Variants in SLC5A1 observed in about 807,000 individuals in gnomAD.
SLC5A1 encodes sodium/glucose cotransporter 1.
Under a neutral mutation model 73.5 loss-of-function variants are expected in SLC5A1, and 42 were observed. The observed-to-expected ratio is 0.57, with a 90% CI of 0.45 to 0.74. The LOEUF (loss-of-function observed/expected upper bound fraction) is 0.74, where lower values mean the gene tolerates loss of function less well. SLC5A1 is among the 30% of genes least tolerant of loss of function. The pLI is 0.00. For missense variants in SLC5A1, 634 were observed against 855.4 expected (o/e 0.74, Z 3.23); for synonymous variants, 300 against 317.4 (o/e 0.95, Z 0.58).
At chr22:32,052,998 T>C (rs190022258) in intron 2 of SLC5A1, among the ~76,000 whole-genome samples, 1 of 152,200 alleles carries the variant, frequency 6.6e-6, no homozygotes, top group Admixed American at 6.5e-5. Flanking sequence ...TCTGTTTTTA[T>C]GCATAGAGAA....
rs1396640058 is a variant in SLC5A1 at position 32,084,512 on chromosome 22, T to C, written c.738T>C (p.Asp246=). Residue 246 remains aspartate (D), a synonymous_variant, in exon 8 of 15, where the codon GAT becomes GAC. Transcript: ENST00000266088. ...AAGCCATTCCAACCATAGTGTCTGA[T>C]GGCAACACCACCTTTCAGGAAAAAT... is the stretch of plus-strand genomic sequence containing the variant. ...YMKAIPTIVS[D]GNTTFQEKCY... 1.2e-6 allele frequency: 2 copies of C among 1,614,144 alleles called. No homozygotes were observed. The highest frequency in any genetic ancestry group is 8.5e-7 in the Non-Finnish European group (1 of 1,180,052).
At chr22:32,086,147 A>G in intron 9 of SLC5A1, 73 bp from the exon 10 acceptor site, 1 of 1,001,418 alleles carries the variant, frequency 1.0e-6, no homozygotes, top group South Asian at 1.3e-5. Context: ...TCTCAAAAAA[A>G]AAAAAAGAAG....
chr22:32,083,026 G>A, intron 6 of SLC5A1, 48 bp from the exon 7 acceptor site: 1 of 1,542,786 alleles, frequency 6.5e-7, no homozygotes, highest in East Asian at 2.2e-5. Context: ...CAAGTAGACA[G>A]GTCACCCTCC....
intron 11 of SLC5A1, among the ~76,000 whole-genome samples, chr22:32,093,831 ATTTC>A (rs937221845): frequency 3.3e-5 from 5 of 152,022 alleles, no homozygotes; most frequent in African/African-American, 1.2e-4. Flanking sequence ...GATGCCATTC[ATTTC>A]TTTCTTTTGT....
intron 2 of SLC5A1, among the ~76,000 whole-genome samples, chr22:32,059,890 A>C (rs1176289254): frequency 1.3e-5 from 2 of 151,926 alleles, no homozygotes; most frequent in African/African-American, 4.8e-5. Context: ...GATTCTACCA[A>C]GCCTTCCAGT....
At chr22:32,088,792 G>C (rs1393455976) in intron 10 of SLC5A1, among the ~76,000 whole-genome samples, 2 of 152,042 alleles carry the variant, frequency 1.3e-5, no homozygotes, top group African/African-American at 4.8e-5. Context: ...GTATTCTCCT[G>C]TTTGTCTTTT....
chr22:32,072,815 A>G (rs1219906423), intron 5 of SLC5A1, among the ~76,000 whole-genome samples: 1 of 152,162 alleles, frequency 6.6e-6, no homozygotes, highest in Non-Finnish European at 1.5e-5. Flanking sequence ...TACTACAGTT[A>G]TTTTTCCCTT....
intron 2 of SLC5A1, 96 bp from the exon 3 acceptor site, chr22:32,066,839 C>T (rs982707993): frequency 1.2e-6 from 1 of 846,382 alleles, no homozygotes; most frequent in South Asian, 1.4e-5. Context: ...TCTTTCTTGT[C>T]CTTCTCTTGG....
intron 2 of SLC5A1, among the ~76,000 whole-genome samples, chr22:32,054,321 G>C (rs1026069162): frequency 3.9e-5 from 6 of 152,224 alleles, no homozygotes; most frequent in African/African-American, 1.4e-4. Context: ...TGTAGGTGCT[G>C]ATATATCCAT....
chr22:32,074,400 G>A (rs1342503464), intron 5 of SLC5A1, among the ~76,000 whole-genome samples: 3 of 152,144 alleles, frequency 2.0e-5, no homozygotes, highest in African/African-American at 4.8e-5. Context: ...CGAGGAGCCC[G>A]CTTTTTCTAA....
intron 5 of SLC5A1, among the ~76,000 whole-genome samples, chr22:32,077,595 C>G (rs2093993075): frequency 6.6e-6 from 1 of 152,122 alleles, no homozygotes; most frequent in Non-Finnish European, 1.5e-5. Flanking sequence ...TAATGAAATA[C>G]TTCAAATATA....
intron 5 of SLC5A1, among the ~76,000 whole-genome samples, chr22:32,076,512 C>T (rs1475687741): frequency 1.3e-5 from 2 of 152,216 alleles, no homozygotes; most frequent in Non-Finnish European, 2.9e-5. Flanking sequence ...TCACAGATCA[C>T]AGCTACAGTA....
chr22:32,085,068 TC>T, intron 9 of SLC5A1, 33 bp downstream of exon 9: 2 of 1,613,466 alleles, frequency 1.2e-6, no homozygotes, highest in Non-Finnish European at 8.5e-7. Flanking sequence ...CAAACCACTC[TC>T]CCTTTTTCTG....
chr22:32,099,551 A>G (rs1748647195), intron 12 of SLC5A1, among the ~76,000 whole-genome samples, 200 bp downstream of exon 12: 1 of 151,246 alleles, frequency 6.6e-6, no homozygotes. Flanking sequence ...TTGGTATGGG[A>G]GGGTCCACGT....
chr22:32,107,945 G>A (rs960373679), intron 14 of SLC5A1, among the ~76,000 whole-genome samples: 2 of 151,944 alleles, frequency 1.3e-5, no homozygotes, highest in Non-Finnish European at 1.5e-5. Flanking sequence ...CACCATCATC[G>A]ATAATGATAT....
chr22:32,082,316 G>C (rs575105714), intron 6 of SLC5A1, among the ~76,000 whole-genome samples: 2 of 152,286 alleles, frequency 1.3e-5, no homozygotes, highest in Middle Eastern at 3.4e-3. Context: ...GGCAGGGTGG[G>C]CACGCAGATG....
chr22:32,060,144 TAC>T (rs61064953), intron 2 of SLC5A1, among the ~76,000 whole-genome samples: 8,384 of 124,988 alleles, frequency 0.067, 306 homozygotes, highest in African/African-American at 0.11. Flanking sequence ...TATATACACA[TAC>T]ACACACACAC....
chr22:32,060,012 TATAC>T (rs2093958022), intron 2 of SLC5A1, among the ~76,000 whole-genome samples: 1 of 92,380 alleles, frequency 1.1e-5, no homozygotes, highest in African/African-American at 3.8e-5. Flanking sequence ...GGGCCATGGT[TATAC>T]ACACACACAC....
chr22:32,081,515 G>T lies in SLC5A1; in HGVS notation c.478-351G>T, dbSNP rs574003076. ...TGCAAAAGATGGACAATAGCTCAGAGCAACAGTCTACAGGTGACTTGCAAG... is the reference window on the plus strand; with the variant it reads ...TGCAAAAGATGGACAATAGCTCAGATCAACAGTCTACAGGTGACTTGCAAG... On this transcript the variant is annotated intron_variant, in intron 5 of 14. Transcript: ENST00000266088. Among the ~76,000 whole-genome samples, 6 of 152,308 alleles carry T rather than the reference G, an allele frequency of 3.9e-5. No individual in the cohort carries two copies. In the South Asian group the frequency reaches 1.0e-3, roughly 26 times the overall value.
Sources: allele counts gnomAD v4.1 joint callset (sites outside exome capture counted in the v4.1 genomes callset), GRCh38; gene constraint gnomAD v4.1.1; transcripts MANE v1.5; gene names NCBI Gene and HGNC (gene_info 2026-07-23, HGNC 2026-07-21).